Variants in TLK2 observed in about 807,000 individuals in gnomAD.
The protein encoded by TLK2 is serine/threonine-protein kinase tousled-like 2.
A neutral mutation model predicts 117.3 loss-of-function variants in TLK2; 6 were observed. The observed-to-expected ratio is 0.05, with a 90% CI of 0.03 to 0.10. TLK2 has a LOEUF of 0.10. TLK2 is among the 10% of genes least tolerant of loss of function. The pLI is 1.00. For missense variants in TLK2, 299 were observed against 901.2 expected, an observed-to-expected ratio of 0.33 and a Z score of 8.56; for synonymous variants, 257 against 316.7, an observed-to-expected ratio of 0.81 and a Z score of 2.00.
intron 7 of TLK2, among the ~76,000 whole-genome samples, chr17:62,540,900 A>G (rs916258905): frequency 2.0e-5 from 3 of 152,178 alleles, no homozygotes; most frequent in African/African-American, 7.2e-5. Context: ...GTGGCCCTGC[A>G]TGGTTTGTTT....
At chr17:62,534,879 G>GTTTTT (rs1252355058) in intron 6 of TLK2, among the ~76,000 whole-genome samples, 1 of 107,432 alleles carries the variant, frequency 9.3e-6, no homozygotes, top group Non-Finnish European at 1.9e-5. Flanking sequence ...GATAATTCCA[G>GTTTTT]TCTTTTTTTT....
intron 17 of TLK2, among the ~76,000 whole-genome samples, chr17:62,596,896 G>A (rs1275084578): frequency 1.7e-4 from 26 of 152,216 alleles, no homozygotes; most frequent in Non-Finnish European, 3.8e-4. Context: ...AGCCAGCTTG[G>A]TATGAAGAGA....
intron 21 of TLK2, 108 bp from the exon 22 acceptor site, chr17:62,612,284 T>C (rs538291186): frequency 6.4e-6 from 8 of 1,252,882 alleles, no homozygotes; most frequent in South Asian, 5.9e-5. Context: ...GCCCCTTCTC[T>C]TTAGTTGATA....
chr17:62,495,653 T>TTA (rs143548926), intron 2 of TLK2, among the ~76,000 whole-genome samples: 3,686 of 137,546 alleles, frequency 0.027, 135 homozygotes, highest in African/African-American at 0.088. Flanking sequence ...ATTTTAAAAA[T>TTA]TATATATATA....
Position 62,604,606 on chromosome 17 carries a change from T to A in TLK2, c.1860-1524T>A, listed in dbSNP as rs145228330. On this transcript the variant is annotated intron_variant, in intron 19 of 21. Transcript: ENST00000346027. Reference sequence around the variant, plus strand: ...ACATGTACAATCAAGTGACAGGTCTTTTTATATTCTAAAAATCTTGCTAGC... The same window carrying A: ...ACATGTACAATCAAGTGACAGGTCTATTTATATTCTAAAAATCTTGCTAGC... Among the ~76,000 whole-genome samples, 529 of 152,236 alleles carry A rather than the reference T, an allele frequency of 3.5e-3. 6 individuals are homozygous for A. The highest frequency in any genetic ancestry group is 0.012 in the African/African-American group (513 of 41,552).
chr17:62,482,233 G>T (rs1370687022), intron 2 of TLK2, among the ~76,000 whole-genome samples: 1 of 152,118 alleles, frequency 6.6e-6, no homozygotes, highest in Non-Finnish European at 1.5e-5. Flanking sequence ...ACAGGCAGGA[G>T]CCACTGTGCC....
At chr17:62,485,349 T>C (rs770826776) in intron 2 of TLK2, among the ~76,000 whole-genome samples, 2 of 152,230 alleles carry the variant, frequency 1.3e-5, no homozygotes, top group African/African-American at 2.4e-5. Context: ...AAATCTTCTG[T>C]TGTATAACTT....
intron 13 of TLK2, among the ~76,000 whole-genome samples, 159 bp downstream of exon 13, chr17:62,576,934 A>G (rs2080833752): frequency 6.8e-6 from 1 of 146,530 alleles, no homozygotes; most frequent in African/African-American, 2.5e-5. Flanking sequence ...GCCTAATGGT[A>G]GAACTCATAT....
rs550538770 is a variant in TLK2 at position 62,571,423 on chromosome 17, C to CT, written c.969-1782dup. Among the ~76,000 whole-genome samples, 62 of 148,872 alleles carry CT rather than the reference C, an allele frequency of 4.2e-4. No homozygotes were observed. The South Asian group carries it at 9.6e-3, about 23-fold the overall frequency. On this transcript the variant is annotated intron_variant, in intron 11 of 21. Coordinates refer to ENST00000346027, the MANE Select transcript of TLK2 (RefSeq NM_006852.6). The stretch of plus-strand genomic sequence containing the variant: ...ACATATTCAGTATAGATGCAGCCAT[C>CT]TTTTTTTTTTCGTGTATTTTCAATC...
chr17:62,484,007 G>T (rs190244892), intron 2 of TLK2, among the ~76,000 whole-genome samples: 1 of 151,914 alleles, frequency 6.6e-6, no homozygotes, highest in African/African-American at 2.4e-5. Flanking sequence ...TGTATTTTTA[G>T]TAGATGGGGT....
chr17:62,514,768 G>A (rs2075435641), intron 2 of TLK2, among the ~76,000 whole-genome samples: 1 of 151,790 alleles, frequency 6.6e-6, no homozygotes, highest in Non-Finnish European at 1.5e-5. Context: ...TAGTAGAGAT[G>A]GGGTTTCGCC....
At chr17:62,587,113 AG>A (rs1181837205) in intron 16 of TLK2, among the ~76,000 whole-genome samples, 1 of 151,582 alleles carries the variant, frequency 6.6e-6, no homozygotes, top group Non-Finnish European at 1.5e-5. Context: ...TGGGGTAGAG[AG>A]GGGGGGCTTC....
At chr17:62,510,495 TA>T (rs1345875638) in intron 2 of TLK2, among the ~76,000 whole-genome samples, 1 of 152,190 alleles carries the variant, frequency 6.6e-6, no homozygotes, top group Non-Finnish European at 1.5e-5. Context: ...AGGGCAACCA[TA>T]ACAGATACCA....
chr17:62,576,859 A>G, intron 13 of TLK2, 84 bp downstream of exon 13: 1 of 1,026,770 alleles, frequency 9.7e-7, no homozygotes, highest in Non-Finnish European at 1.5e-6. Context: ...ATTTGGGTGA[A>G]TGTAATAGTA....
At chr17:62,584,081 G>T (rs2081412642) in intron 15 of TLK2, among the ~76,000 whole-genome samples, 1 of 147,654 alleles carries the variant, frequency 6.8e-6, no homozygotes. Context: ...TAAATTGGGT[G>T]GTATTTAATG....
chr17:62,574,444 A>G (rs2080593009), intron 12 of TLK2: 2 of 948,930 alleles, frequency 2.1e-6, no homozygotes, highest in Non-Finnish European at 3.3e-6. Flanking sequence ...TAATAATTAC[A>G]TTAAGTATAG....
At chr17:62,497,556 G>A (rs2073821677) in intron 2 of TLK2, among the ~76,000 whole-genome samples, 1 of 152,108 alleles carries the variant, frequency 6.6e-6, no homozygotes, top group Non-Finnish European at 1.5e-5. Context: ...AATTTATTAA[G>A]CAGTACTTTA....
Position 62,482,523 on chromosome 17 carries a change from C to T in TLK2, c.81+1317C>T, listed in dbSNP as rs138219962. Among the ~76,000 whole-genome samples, 15 of 150,822 alleles carry T rather than the reference C, an allele frequency of 9.9e-5. No individual in the cohort carries two copies. The East Asian group carries it at 3.0e-3, about 30-fold the overall frequency. On this transcript the variant is annotated intron_variant, in intron 2 of 21. Transcript: ENST00000346027. ...GGAGTGCAGTGGCACAATCTGGGCT[C>T]ACTGCAACCTCTGCCTCCTGGGTTC...
chr17:62,585,300 T>C (rs987382781), intron 15 of TLK2, among the ~76,000 whole-genome samples: 3 of 152,226 alleles, frequency 2.0e-5, no homozygotes, highest in Non-Finnish European at 2.9e-5. Context: ...CCCAGCACTT[T>C]GGGAGGCCGA....
Sources: gnomAD v4.1 joint callset for allele counts (sites outside exome capture counted in the v4.1 genomes callset) on GRCh38, gnomAD v4.1.1 for gene constraint, MANE v1.5 for transcripts, NCBI Gene and HGNC (gene_info 2026-07-23, HGNC 2026-07-21) for gene names.